The following NDUFAF6 variants were observed in gnomAD, a reference collection of about 807,000 sequenced individuals.
NDUFAF6 encodes NADH dehydrogenase (ubiquinone) complex I, assembly factor 6.
A neutral mutation model predicts 40.8 loss-of-function variants in NDUFAF6; 45 were observed. The ratio of observed to expected loss-of-function variants is 1.10; its 90% CI spans 0.87 to 1.42. The LOEUF (loss-of-function observed/expected upper bound fraction) is 1.42. Among genes scored for constraint, NDUFAF6 ranks in the 40% most tolerant of loss-of-function variants. NDUFAF6 has a pLI of 0.00. For synonymous variants in NDUFAF6, 185 were observed against 155.9 expected (o/e 1.19, Z -1.39); for missense variants, 435 against 418.5 (o/e 1.04, Z -0.34).
chr8:94,913,329 C>G (rs1331990248), intron 1 of NDUFAF6, among the ~76,000 whole-genome samples: 1 of 152,118 alleles, frequency 6.6e-6, no homozygotes, highest in African/African-American at 2.4e-5. Flanking sequence ...CCATCTGTTC[C>G]TTTTTAATTA....
At chr8:95,055,238 C>T (rs1831977142) in intron 8 of NDUFAF6, 1 of 152,072 alleles carries the variant, frequency 6.6e-6, no homozygotes, top group African/African-American at 2.4e-5. Flanking sequence ...AGCACATATA[C>T]TAAATTTGGA....
intron 1 of NDUFAF6, among the ~76,000 whole-genome samples, chr8:94,980,693 A>G (rs550809669): frequency 1.4e-4 from 13 of 90,350 alleles, no homozygotes; most frequent in African/African-American, 5.9e-4. Context: ...TCAGGTGATC[A>G]GCATGCCTTG....
intron 3 of NDUFAF6, among the ~76,000 whole-genome samples, chr8:95,038,392 A>T (rs1487631462): frequency 6.6e-6 from 1 of 151,088 alleles, no homozygotes; most frequent in African/African-American, 2.4e-5. Context: ...TTTTTTTGAG[A>T]CAGAGTCTCA....
intron 2 of NDUFAF6, among the ~76,000 whole-genome samples, chr8:95,005,350 A>G (rs897522045): frequency 6.6e-6 from 1 of 151,730 alleles, no homozygotes; most frequent in Non-Finnish European, 1.5e-5. Context: ...GACACAAGCC[A>G]TTGGTTACCT....
rs535803909 is a variant in NDUFAF6, at chr8:95,006,012, C to T, written c.-84+25039C>T. ...CCAGAATTAATTTTCCCTTCTAACT[C>T]GTGAGAGTTGGCTTTCCTGTTGTTT... is the stretch of plus-strand genomic sequence containing the variant. On this transcript the variant is annotated intron_variant, in intron 2 of 9. Coordinates refer to the NDUFAF6 transcript ENST00000396111. 8.9e-4 allele frequency among the ~76,000 whole-genome samples: 136 copies of T among 152,216 alleles called. 1 individual carries two copies. Among genetic ancestry groups the T allele is most frequent in the South Asian group, 6.7e-3 (32 of 4,812 alleles).
At chr8:94,922,628 G>A (rs1269931149) in intron 1 of NDUFAF6, among the ~76,000 whole-genome samples, 5 of 151,804 alleles carry the variant, frequency 3.3e-5, no homozygotes, top group African/African-American at 7.3e-5. Context: ...ACAGGTGCCC[G>A]GCACCACACC....
intron 2 of NDUFAF6, among the ~76,000 whole-genome samples, chr8:94,948,964 A>G (rs1249853074): frequency 4.0e-5 from 6 of 149,862 alleles, no homozygotes; most frequent in Admixed American, 1.3e-4. Context: ...GGACCGACCC[A>G]CTGGGTGGGC....
At chr8:95,012,915 A>G (rs1406877650) in intron 2 of NDUFAF6, among the ~76,000 whole-genome samples, 1 of 152,144 alleles carries the variant, frequency 6.6e-6, no homozygotes, top group Non-Finnish European at 1.5e-5. Flanking sequence ...TAAGTCAGGG[A>G]AAAGATCAGT....
chr8:94,946,272 TA>T (rs2131392770), intron 2 of NDUFAF6, among the ~76,000 whole-genome samples: 1 of 152,298 alleles, frequency 6.6e-6, no homozygotes, highest in South Asian at 2.1e-4. Flanking sequence ...TGACTGAGTC[TA>T]ATACTCACGG....
At chr8:95,020,697 T>C (rs1336994763), upstream of NDUFAF6, among the ~76,000 whole-genome samples, 4 of 152,156 alleles carry the variant, frequency 2.6e-5, no homozygotes, top group African/African-American at 9.7e-5. Context: ...CACCTCCCAA[T>C]GCCAGGCACT....
intron 2 of NDUFAF6, among the ~76,000 whole-genome samples, chr8:95,086,756 C>A (rs1333472564): frequency 3.9e-5 from 6 of 152,096 alleles, no homozygotes; most frequent in Non-Finnish European, 8.8e-5. Context: ...CGCCCCCCAC[C>A]ACGCCCGGCT....
At chr8:95,001,170 G>A (rs1826716594) in intron 2 of NDUFAF6, among the ~76,000 whole-genome samples, 1 of 151,990 alleles carries the variant, frequency 6.6e-6, no homozygotes, top group Admixed American at 6.6e-5. Flanking sequence ...TGCCCAGGTT[G>A]GTCTTGAACT....
At chr8:95,118,152 C>T (rs755576158), downstream of NDUFAF6, among the ~76,000 whole-genome samples, 14 of 152,216 alleles carry the variant, frequency 9.2e-5, no homozygotes, top group Non-Finnish European at 1.6e-4. Context: ...AAGCTGTCAA[C>T]TGGAGCACCT....
intron 1 of NDUFAF6, among the ~76,000 whole-genome samples, chr8:94,962,556 G>A (rs909914837): frequency 6.6e-6 from 1 of 151,688 alleles, no homozygotes; most frequent in African/African-American, 2.4e-5. Flanking sequence ...ACCTCCCAAA[G>A]TGCTGGGATT....
At chr8:95,116,903 CTT>C (rs1228964166), downstream of NDUFAF6, among the ~76,000 whole-genome samples, 1 of 152,220 alleles carries the variant, frequency 6.6e-6, no homozygotes, top group Non-Finnish European at 1.5e-5. Flanking sequence ...CTTTTCCTCT[CTT>C]TGTTCTGGCT....
chr8:94,933,033 A>G (rs1249286777), intron 1 of NDUFAF6, among the ~76,000 whole-genome samples: 1 of 152,152 alleles, frequency 6.6e-6, no homozygotes, highest in African/African-American at 2.4e-5. Context: ...CCTGGCCAAT[A>G]TGGTGAAACC....
chr8:95,097,196 G>T (rs1041546130), upstream of NDUFAF6, among the ~76,000 whole-genome samples: 4 of 152,240 alleles, frequency 2.6e-5, no homozygotes, highest in South Asian at 6.2e-4. Flanking sequence ...GATGCCCCTG[G>T]CCTCAAATTT....
intron 8 of NDUFAF6, among the ~76,000 whole-genome samples, chr8:95,056,931 ATTTG>A: frequency 6.6e-6 from 1 of 152,068 alleles, no homozygotes; most frequent in Admixed American, 6.5e-5. Flanking sequence ...TAGATAATGA[ATTTG>A]TTTGTATTTC....
chr8:95,057,934 T>C lies in NDUFAF6; in HGVS notation c.999T>C (p.Tyr333=), dbSNP rs752563461. The change falls in exon 9 of 9, where the codon TAT becomes TAC. Residue 333 remains tyrosine, a synonymous_variant. Transcript: ENST00000396124. The stretch of plus-strand genomic sequence containing the variant: ...ATATTCAGTCATGGAGAAAAACATA[T>C]TAAAATAATTTCATGGCATTGATGT... ...YLYIQSWRKT[Y] 13 of 1,531,616 alleles carry C rather than the reference T, an allele frequency of 8.5e-6. No individual in the cohort carries two copies. The highest frequency in any genetic ancestry group is 1.4e-5 in the African/African-American group (1 of 73,424). The allele number at this position is 1,531,616 out of a possible 1,614,324, so 94.9% of individuals were successfully genotyped here.
Sources: allele counts gnomAD v4.1 joint callset (sites outside exome capture counted in the v4.1 genomes callset), GRCh38; gene constraint gnomAD v4.1.1; transcripts MANE v1.5; gene names NCBI Gene and HGNC (gene_info 2026-07-23, HGNC 2026-07-21).